WWOX: variants seen among roughly 807,000 people sequenced by gnomAD.
WWOX encodes WW domain containing oxidoreductase, also known as WW domain-containing oxidoreductase.
In WWOX, 69 loss-of-function variants were observed where a neutral mutation model predicts 46.2. The observed-to-expected ratio is 1.49, with a 90% CI of 1.23 to 1.82. The LOEUF (loss-of-function observed/expected upper bound fraction) is 1.82. Among genes scored for constraint, WWOX ranks in the 40% most tolerant of loss-of-function variants. WWOX has a pLI of 0.00. For synonymous variants in WWOX, 359 were observed against 202.6 expected, an observed-to-expected ratio of 1.77 and a Z score of -6.56; for missense variants, 919 against 542.6, an observed-to-expected ratio of 1.69 and a Z score of -6.89.
chr16:78,983,994 C>T (rs2046735334), intron 8 of WWOX, among the ~76,000 whole-genome samples: 1 of 150,658 alleles, frequency 6.6e-6, no homozygotes, highest in East Asian at 2.0e-4. Context: ...TCTCCTGCCT[C>T]AGCCTCCCGA....
chr16:78,342,241 C>A (rs112488940), intron 5 of WWOX, among the ~76,000 whole-genome samples: 3 of 121,138 alleles, frequency 2.5e-5, no homozygotes, highest in East Asian at 3.9e-4. Flanking sequence ...TCAGCTGCTA[C>A]GACAAACAAC....
intron 8 of WWOX, among the ~76,000 whole-genome samples, chr16:79,076,372 C>G (rs1597351731): frequency 6.6e-6 from 1 of 152,202 alleles, no homozygotes; most frequent in Admixed American, 6.5e-5. Flanking sequence ...TCTTAATTCA[C>G]AAAGTGTTCA....
chr16:78,441,512 T>G (rs551672321), intron 8 of WWOX, among the ~76,000 whole-genome samples: 1 of 152,042 alleles, frequency 6.6e-6, no homozygotes, highest in African/African-American at 2.4e-5. Context: ...AGGCTCATGG[T>G]CAAATGACAT....
At chr16:78,231,605 T>G (rs1367826965) in intron 5 of WWOX, among the ~76,000 whole-genome samples, 1 of 152,210 alleles carries the variant, frequency 6.6e-6, no homozygotes, top group African/African-American at 2.4e-5. Context: ...TGTTTTTCAT[T>G]GTTAACGTGG....
intron 8 of WWOX, among the ~76,000 whole-genome samples, chr16:78,493,424 A>G (rs1445270020): frequency 6.6e-6 from 1 of 152,220 alleles, no homozygotes; most frequent in Non-Finnish European, 1.5e-5. Context: ...GGAACATATC[A>G]GTCACATCAA....
chr16:78,653,176 C>A (rs1346257026), intron 8 of WWOX, among the ~76,000 whole-genome samples: 1 of 151,974 alleles, frequency 6.6e-6, no homozygotes, highest in African/African-American at 2.4e-5. Flanking sequence ...ACAAGAATTT[C>A]TCATGTCATT....
chr16:78,416,283 A>G lies in WWOX; in HGVS notation c.606-8587A>G, dbSNP rs373351906. 2.5e-4 allele frequency among the ~76,000 whole-genome samples: 38 copies of G among 152,342 alleles called. 2 individuals carry two copies. The South Asian group carries it at 4.4e-3, about 17-fold the overall frequency. ...TGGCTTTTAGTCAAAACTGAGCGCA[A>G]TGTGCCATTTGAATAATAAGAACCT... On this transcript the variant is annotated intron_variant, in intron 6 of 8. Transcript: ENST00000566780.
chr16:79,175,827 C>G (rs1350750469), intron 8 of WWOX, among the ~76,000 whole-genome samples: 1 of 152,132 alleles, frequency 6.6e-6, no homozygotes, highest in Non-Finnish European at 1.5e-5. Context: ...TCACTCCTTC[C>G]TCCCACACAT....
At chr16:79,186,434 T>C (rs752800574) in intron 8 of WWOX, among the ~76,000 whole-genome samples, 3 of 152,202 alleles carry the variant, frequency 2.0e-5, no homozygotes, top group Non-Finnish European at 4.4e-5. Context: ...ATCTGACCTC[T>C]GCGTCTGTCC....
intron 8 of WWOX, among the ~76,000 whole-genome samples, chr16:79,096,413 C>A (rs2049074994): frequency 6.6e-6 from 1 of 152,112 alleles, no homozygotes; most frequent in East Asian, 1.9e-4. Context: ...CTTCCCCCTG[C>A]TCACTGGGTT....
intron 8 of WWOX, among the ~76,000 whole-genome samples, chr16:78,775,697 T>C (rs552359099): frequency 6.6e-6 from 1 of 152,180 alleles, no homozygotes; most frequent in Non-Finnish European, 1.5e-5. Context: ...ATGGTTCACA[T>C]AGGGGACAGG....
At chr16:78,227,703 CCTGTCTCTA>C (rs1375283934) in intron 5 of WWOX, among the ~76,000 whole-genome samples, 1 of 151,980 alleles carries the variant, frequency 6.6e-6, no homozygotes, top group Non-Finnish European at 1.5e-5. Flanking sequence ...ATGGTGAAAC[CCTGTCTCTA>C]CTAAAAATAC....
chr16:79,020,098 A>G (rs16949243), intron 8 of WWOX, among the ~76,000 whole-genome samples: 13,844 of 152,216 alleles, frequency 0.091, 1,026 homozygotes, highest in African/African-American at 0.2. Flanking sequence ...TCACTGGACA[A>G]TTGATGAACA....
At chr16:78,369,868 C>T (rs1421857946) in intron 5 of WWOX, among the ~76,000 whole-genome samples, 1 of 152,222 alleles carries the variant, frequency 6.6e-6, no homozygotes, top group Admixed American at 6.5e-5. Flanking sequence ...CACAATGGCT[C>T]ATGCCTGTAA....
rs189418863 is a variant in WWOX, at chr16:79,210,140, C to G, written c.1057-1468C>G. The stretch of plus-strand genomic sequence containing the variant: ...TCTTTGTCTCACTCACGGTCCACAC[C>G]CCGCCCAGAGTCGTATCACTTGACT... On this transcript the variant is annotated intron_variant, in intron 8 of 8. Coordinates refer to ENST00000566780, the MANE Select transcript of WWOX (RefSeq NM_016373.4). Among the ~76,000 whole-genome samples, 281 of 152,288 alleles carry G rather than the reference C, an allele frequency of 1.8e-3. 2 individuals are homozygous for G. Among genetic ancestry groups the G allele is most frequent in the African/African-American group, 6.3e-3 (262 of 41,558 alleles).
intron 8 of WWOX, among the ~76,000 whole-genome samples, chr16:79,197,474 C>G (rs1412648452): frequency 6.6e-6 from 1 of 152,048 alleles, no homozygotes; most frequent in Non-Finnish European, 1.5e-5. Context: ...CACTGCCCCC[C>G]TCCAGTGAGC....
At chr16:79,120,614 T>A (rs757348718) in intron 8 of WWOX, among the ~76,000 whole-genome samples, 3 of 152,176 alleles carry the variant, frequency 2.0e-5, no homozygotes, top group Non-Finnish European at 4.4e-5. Flanking sequence ...TGACACTGCT[T>A]CTGGGGACAC....
At chr16:79,088,087 T>C (rs189096894) in intron 8 of WWOX, among the ~76,000 whole-genome samples, 1 of 152,180 alleles carries the variant, frequency 6.6e-6, no homozygotes. Flanking sequence ...TAGTGTGAGC[T>C]CATCTGGTAC....
At chr16:78,497,615 G>T (rs929663316) in intron 8 of WWOX, among the ~76,000 whole-genome samples, 1 of 152,292 alleles carries the variant, frequency 6.6e-6, no homozygotes, top group East Asian at 1.9e-4. Flanking sequence ...TGCAAGAAAA[G>T]AATCTGATGT....
Sources: allele counts gnomAD v4.1 joint callset (sites outside exome capture counted in the v4.1 genomes callset), GRCh38; gene constraint gnomAD v4.1.1; transcripts MANE v1.5; gene names NCBI Gene and HGNC (gene_info 2026-07-23, HGNC 2026-07-21).